CD22: variants seen among roughly 807,000 people sequenced by gnomAD.
CD22 encodes CD22 molecule, also known as B-cell receptor CD22.
Under a neutral mutation model 94.7 loss-of-function variants are expected in CD22, and 51 were observed. That is an observed-to-expected ratio of 0.54 (90% confidence interval 0.43 to 0.68). CD22 has a LOEUF of 0.68. CD22 is among the 30% of genes least tolerant of loss of function. CD22 has a pLI of 0.00. For missense variants in CD22, 931 were observed against 1,060.4 expected (o/e 0.88, Z 1.69); for synonymous variants, 424 against 422.5 (o/e 1.00, Z -0.04).
chr19:35,345,407 T>A, intron 11 of CD22, 195 bp from the exon 12 acceptor site: 1 of 469,082 alleles, frequency 2.1e-6, no homozygotes, highest in Non-Finnish European at 3.6e-6. Context: ...GGTGACATAC[T>A]GAGACTCTGC....
At chr19:35,336,973 C>T (rs1435397340) in intron 4 of CD22, among the ~76,000 whole-genome samples, 1 of 152,028 alleles carries the variant, frequency 6.6e-6, no homozygotes, top group Non-Finnish European at 1.5e-5. Context: ...GGTGCGGTGG[C>T]TCACGCCTGT....
At position 35,337,900 on chromosome 19, in the gene CD22, G is replaced by A. The variant is rs751058732; in HGVS notation, c.864G>A (p.Lys288=). The change falls in exon 5 of 14, where the codon AAG becomes AAA. Residue 288 remains lysine (K), a synonymous_variant. Coordinates refer to ENST00000085219, the MANE Select transcript of CD22 (RefSeq NM_001771.4). This position sits in a 1 kb window ranked among gnomAD's most constrained non-coding sequence, Gnocchi z 4.4. ...SWLKDGTSLK[K]QNTFTLNLRE... is the part of the protein sequence containing the mutation. ...TCAAGGATGGGACCTCGCTGAAGAA[G>A]CAGAATACATTCACGCTAAACCTGC... is the stretch of plus-strand genomic sequence containing the variant. 6.2e-7 allele frequency: 1 copy of A among 1,614,254 alleles called. No individual in the cohort carries two copies. The highest frequency in any genetic ancestry group is 8.5e-7 in the Non-Finnish European group (1 of 1,180,036).
chr19:35,340,731 C>T lies in CD22; in HGVS notation c.1250-150C>T, dbSNP rs1599684685. 27 of 828,638 alleles carry T rather than the reference C, an allele frequency of 3.3e-5. No individual in the cohort carries two copies. The East Asian group carries it at 7.2e-4, about 22-fold the overall frequency. 51.3% of individuals were successfully genotyped at this position (828,638 alleles called of 1,614,324 possible). On this transcript the variant is annotated intron_variant, in intron 6 of 13. Coordinates refer to ENST00000085219, the MANE Select transcript of CD22 (RefSeq NM_001771.4). ...CCAGGGCAGGGTTTCTGTTCTCACA[C>T]AGATGCAGGAAGGACGCACAAGCCC...
In CD22 at chr19:35,337,748, C is replaced by A. The variant is rs763057970; in HGVS notation, c.719-7C>A. On this transcript the variant is annotated splice_polypyrimidine_tract_variant and splice_region_variant and intron_variant, in intron 4 of 13. Transcript: ENST00000085219. This position sits in a 1 kb window ranked among gnomAD's most constrained non-coding sequence, Gnocchi z 4.4. ...CCCCCTCCCCGACTGCCCCTCTGCTCCTCCAGACACCCCGAAGTTGGAGAT... is the reference window on the plus strand; with the variant it reads ...CCCCCTCCCCGACTGCCCCTCTGCTACTCCAGACACCCCGAAGTTGGAGAT... The A allele has an allele frequency of 1.1e-5, 17 of 1,588,820 alleles. No homozygotes were observed. Among genetic ancestry groups the A allele is most frequent in the Admixed American group, 1.7e-5 (1 of 59,308 alleles).
rs762915716 is a variant in CD22, at chr19:35,336,066, C to A, written c.443C>A (p.Pro148His). 12 of 1,613,888 alleles carry A rather than the reference C, an allele frequency of 7.4e-6. No homozygotes were observed. In the East Asian group the frequency reaches 2.0e-4, roughly 27 times the overall value. Reference protein sequence around the residue: ...ERPFPPHIQLPPEIQESQEVT... With the variant: ...ERPFPPHIQLHPEIQESQEVT... Reference sequence around the variant, plus strand: ...CCTTTTCCACCTCATATCCAGCTCCCTCCAGAAATTCAAGAGTCCCAGGAA... The same window carrying A: ...CCTTTTCCACCTCATATCCAGCTCCATCCAGAAATTCAAGAGTCCCAGGAA... The change falls in exon 4 of 14, where the codon CCT becomes CAT. Residue 148 changes from proline (P) to histidine (H), a missense_variant. Transcript: ENST00000085219.
chr19:35,338,121 G>A, intron 5 of CD22, 47 bp from the exon 6 acceptor site: 3 of 1,581,926 alleles, frequency 1.9e-6, no homozygotes, highest in Non-Finnish European at 2.6e-6. Context: ...TGCACAGGTT[G>A]GGGGTGCTCT....
In CD22 at chr19:35,336,264, G is replaced by A; in HGVS notation, c.641G>A (p.Gly214Glu). 3 of 1,614,188 alleles carry A rather than the reference G, an allele frequency of 1.9e-6. No individual in the cohort carries two copies. Among genetic ancestry groups the A allele is most frequent in the Non-Finnish European group, 2.5e-6 (3 of 1,180,008 alleles). The change falls in exon 4 of 14, where the codon GGG becomes GAG. Residue 214 changes from glycine (G) to glutamate (E), a missense_variant. Transcript: ENST00000085219. ...LKFSPQWSHH[G>E]KIVTCQLQDA... ...TTCTCCCCACAGTGGAGTCACCATG[G>A]GAAGATTGTGACCTGCCAGCTTCAG...
chr19:35,340,958 A>C lies in CD22; in HGVS notation c.1327A>C (p.Asn443His). Reference protein sequence around the residue: ...REGDTVTLSCNYNSSNPSVTR... With the variant: ...REGDTVTLSCHYNSSNPSVTR... ...AGGAGACACAGTGACCCTTTCCTGT[A>C]ACTACAATTCCAGTAACCCCAGTGT... The change falls in exon 7 of 14, where the codon AAC becomes CAC. Residue 443 changes from asparagine (N) to histidine (H), a missense_variant. Coordinates refer to ENST00000085219, the MANE Select transcript of CD22 (RefSeq NM_001771.4). The C allele has an allele frequency of 1.9e-6, 3 of 1,614,206 alleles. No individual in the cohort carries two copies. Among genetic ancestry groups the C allele is most frequent in the Non-Finnish European group, 2.5e-6 (3 of 1,180,022 alleles).
rs2066918681 is a variant in CD22, at chr19:35,346,992, C to T, written c.*295C>T. On this transcript the variant is annotated 3_prime_UTR_variant, in exon 14 of 14. Transcript: ENST00000085219. ...CCTGACATGCACACCTCCCCCTGCC[C>T]CCACCACGGCCACTGGCCATCTCCA... The T allele has an allele frequency of 6.8e-6, 2 of 293,270 alleles. No homozygotes were observed. The highest frequency in any genetic ancestry group is 2.2e-5 in the African/African-American group (1 of 44,964). The allele number at this position is 293,270 out of a possible 1,614,324, so 18.2% of individuals were successfully genotyped here.
rs777862281 is a variant in CD22, at chr19:35,345,679, C to T, written c.2286C>T (p.Tyr762=). ...CAATGATGGAAGATGGCATTAGCTA[C>T]ACCACCCTGCGCTTTCCCGAGATGA... ...YNPMMEDGIS[Y]TTLRFPEMNI... The change falls in exon 12 of 14, where the codon TAC becomes TAT. Residue 762 remains tyrosine, a synonymous_variant. Coordinates refer to ENST00000085219, the MANE Select transcript of CD22 (RefSeq NM_001771.4). The T allele has an allele frequency of 5.6e-6, 9 of 1,613,820 alleles. No homozygotes were observed. Among genetic ancestry groups the T allele is most frequent in the South Asian group, 2.2e-5 (2 of 91,076 alleles).
intron 1 of CD22, among the ~76,000 whole-genome samples, chr19:35,331,215 G>A (rs1302755776): frequency 2.0e-5 from 3 of 152,100 alleles, no homozygotes; most frequent in Admixed American, 6.6e-5. Flanking sequence ...GAGCCACTGC[G>A]CCTGGCTCAC....
chr19:35,346,370 G>T, intron 13 of CD22, 135 bp downstream of exon 13: 1 of 1,085,562 alleles, frequency 9.2e-7, no homozygotes, highest in Non-Finnish European at 1.4e-6. Context: ...GTTGGAGACG[G>T]TTGCTCCGGC....
chr19:35,333,961 T>A (rs2066681894), intron 3 of CD22, among the ~76,000 whole-genome samples: 1 of 152,214 alleles, frequency 6.6e-6, no homozygotes, highest in African/African-American at 2.4e-5. Flanking sequence ...CAGATGACAC[T>A]GTTGTTGAAC....
rs199729159 is a variant in CD22 at position 35,346,526 on chromosome 19, C to T, written c.2413-40C>T. 8.0e-5 allele frequency: 126 copies of T among 1,576,196 alleles called. No individual in the cohort carries two copies. The African/African-American group carries it at 9.7e-4, about 12-fold the overall frequency. ...GGAGAAAAGCGGCGGTGGAGGCTGG[C>T]GACAGTGGGGCCAGGCTAACCACCA... On this transcript the variant is annotated intron_variant, in intron 13 of 13. Coordinates refer to ENST00000085219, the MANE Select transcript of CD22 (RefSeq NM_001771.4).
In CD22 at chr19:35,346,615, A is replaced by T. The variant is rs201664517; in HGVS notation, c.2462A>T (p.His821Leu). Residue 821 changes from histidine (H) to leucine (L), a missense_variant, in exon 14 of 14, where the codon CAT becomes CTT. His to Leu is a moderately conservative substitution (Grantham distance 99, BLOSUM62 -3). Transcript: ENST00000085219. Reference protein sequence around the residue: ...IPDFPEDEGIHYSELIQFGVG... With the variant: ...IPDFPEDEGILYSELIQFGVG... ...GATTTTCCAGAAGATGAGGGGATTC[A>T]TTACTCAGAGCTGATCCAGTTTGGG... 2.5e-6 allele frequency: 4 copies of T among 1,606,674 alleles called. No individual in the cohort carries two copies. The highest frequency in any genetic ancestry group is 3.4e-6 in the Non-Finnish European group (4 of 1,176,254).
intron 11 of CD22, 65 bp downstream of exon 11, chr19:35,345,191 G>T: frequency 7.1e-7 from 1 of 1,406,816 alleles, no homozygotes; most frequent in Non-Finnish European, 1.0e-6. Context: ...GCTGAGGCAG[G>T]TGGATCACCT....
Position 35,335,979 on chromosome 19 carries a change from G to GT in CD22, c.413-56dup, listed in dbSNP as rs1414226876. On this transcript the variant is annotated intron_variant, in intron 3 of 13. Transcript: ENST00000085219. ...TTTGGGACAGGACATCTAAAGCCAG[G>GT]TGTACGCTCACGTCCTCAGTCCCCC... 5 of 1,467,710 alleles carry GT rather than the reference G, an allele frequency of 3.4e-6. No individual in the cohort carries two copies. The Admixed American group carries it at 9.2e-5, about 27-fold the overall frequency. 90.9% of individuals were successfully genotyped at this position (1,467,710 alleles called of 1,614,324 possible).
intron 9 of CD22, among the ~76,000 whole-genome samples, chr19:35,343,565 G>A (rs1010286663): frequency 6.6e-6 from 1 of 152,090 alleles, no homozygotes; most frequent in African/African-American, 2.4e-5. Flanking sequence ...ACATTGTTCT[G>A]TATCTATGCA....
rs1214745510 is a variant in CD22, at chr19:35,337,989, G to A, written c.953G>A (p.Gly318Glu). The change falls in exon 5 of 14, where the codon GGA becomes GAA. Residue 318 changes from glycine (G) to glutamate (E), a missense_variant. Transcript: ENST00000085219. This position sits in a 1 kb window ranked among gnomAD's most constrained non-coding sequence, Gnocchi z 4.4. ...CAGGTCTCCAATGACGTGGGCCCGG[G>A]AAGGTCGGAAGAAGTGTTCCTGCAA... ...CCQVSNDVGP[G>E]RSEEVFLQVQ... The A allele has an allele frequency of 1.2e-6, 2 of 1,613,522 alleles. No individual in the cohort carries two copies. Among genetic ancestry groups the A allele is most frequent in the Non-Finnish European group, 1.7e-6 (2 of 1,179,596 alleles).
Sources: allele counts gnomAD v4.1 joint callset (sites outside exome capture counted in the v4.1 genomes callset), GRCh38; gene constraint gnomAD v4.1.1; non-coding constraint Gnocchi (gnomAD v3.1); transcripts MANE v1.5; gene names NCBI Gene and HGNC (gene_info 2026-07-23, HGNC 2026-07-21).